DIDO1: variants seen among roughly 807,000 people sequenced by gnomAD.
The protein encoded by DIDO1 is death-inducer obliterator 1.
In DIDO1, 16 loss-of-function variants were observed where a neutral mutation model predicts 99.4. The observed-to-expected ratio is 0.16, with a 90% CI of 0.11 to 0.24. DIDO1 has a LOEUF of 0.24. Among genes scored for constraint, DIDO1 ranks in the 10% least tolerant of loss-of-function variants. The pLI is 1.00. For missense variants in DIDO1, 2,996 were observed against 3,014.0 expected (o/e 0.99, Z 0.14); for synonymous variants, 1,366 against 1,239.1 (o/e 1.10, Z -2.15).
At chr20:62,923,097 C>T (rs114987011) in intron 1 of DIDO1, among the ~76,000 whole-genome samples, 2,216 of 152,244 alleles carry the variant, frequency 0.015, 58 homozygotes, top group African/African-American at 0.049. Context: ...GAACTCCTGG[C>T]TTCAAGGGGT....
rs750449459 is a variant in DIDO1, at chr20:62,911,519, T to G, written c.94A>C (p.Thr32Pro). Residue 32 changes from threonine to proline, a missense_variant, in exon 3 of 16, where the codon ACC becomes CCC. By Grantham distance (38) the Thr-to-Pro change is conservative. This residue lies in a region of DIDO1 where 388 missense variants were observed against 376.6 expected (regional missense o/e 1.03). Transcript: ENST00000395343. This position sits in a 1 kb window ranked among gnomAD's most constrained non-coding sequence, Gnocchi z 7.0. Reference protein sequence around the residue: ...EFRKTWGFRRTTIAKREGAGD... With the variant: ...EFRKTWGFRRPTIAKREGAGD... ...GCGCCCTCTCGCTTGGCGATAGTGG[T>G]CCTTCGAAAACCCCATGTTTTCCTG... 6.2e-7 allele frequency: 1 copy of G among 1,612,748 alleles called. No homozygotes were observed. The highest frequency in any genetic ancestry group is 8.5e-7 in the Non-Finnish European group (1 of 1,179,402).
intron 6 of DIDO1, among the ~76,000 whole-genome samples, chr20:62,901,505 A>G (rs149778766): frequency 4.6e-4 from 70 of 152,152 alleles, no homozygotes; most frequent in African/African-American, 1.6e-3. Flanking sequence ...ACCTTTATCT[A>G]AGTTGTTTAC....
chr20:62,927,218 C>T (rs1317200891), upstream of DIDO1, among the ~76,000 whole-genome samples: 1 of 152,202 alleles, frequency 6.6e-6, no homozygotes, highest in East Asian at 1.9e-4. Context: ...CTCCTCCCAC[C>T]ATGTCAATCC....
intron 1 of DIDO1, among the ~76,000 whole-genome samples, chr20:62,931,939 A>G (rs2065335970): frequency 6.6e-6 from 1 of 152,254 alleles, no homozygotes; most frequent in Admixed American, 6.5e-5. Flanking sequence ...AGTTCACAAA[A>G]ACAAAATGGT....
chr20:62,879,431 C>A lies in DIDO1; in HGVS notation c.6525G>T (p.Arg2175=). The change falls in exon 16 of 16, where the codon CGG becomes CGT. Residue 2175 remains arginine (R), a synonymous_variant. Coordinates refer to ENST00000395343, the MANE Select transcript of DIDO1 (RefSeq NM_001193369.2). The surrounding 1 kb of genome is among the most constrained non-coding windows in gnomAD (Gnocchi z 6.3). ...RGKEWDRSRE[R]SRNRERERDR... is the part of the protein sequence containing the mutation. ...CTCGCTCGCGCTCTCGGTTCCTGCT[C>A]CGCTCCCGGCTGCGGTCCCACTCCT... 1 of 1,547,594 alleles carries A rather than the reference C, an allele frequency of 6.5e-7. No homozygotes were observed. The highest frequency in any genetic ancestry group is 8.7e-7 in the Non-Finnish European group (1 of 1,151,546).
intron 6 of DIDO1, among the ~76,000 whole-genome samples, chr20:62,897,275 G>A (rs992620543): frequency 1.3e-5 from 2 of 152,150 alleles, no homozygotes; most frequent in African/African-American, 4.8e-5. Flanking sequence ...GTTATTAAAG[G>A]CTTGACTTGC....
At chr20:62,888,658 A>G (rs901819677) in intron 15 of DIDO1, 1 of 985,572 alleles carries the variant, frequency 1.0e-6, no homozygotes, top group Non-Finnish European at 1.2e-6. Flanking sequence ...AGCCTTACAC[A>G]CACACACGCG....
chr20:62,908,879 T>A (rs1031127264), intron 4 of DIDO1, among the ~76,000 whole-genome samples: 48 of 152,188 alleles, frequency 3.2e-4, no homozygotes, highest in African/African-American at 9.9e-4. Flanking sequence ...AGAATCAATA[T>A]ATTTAAAAAA....
At chr20:62,907,951 G>T (rs1014698804) in intron 4 of DIDO1, among the ~76,000 whole-genome samples, 5 of 152,140 alleles carry the variant, frequency 3.3e-5, no homozygotes, top group East Asian at 1.9e-4. Context: ...ATTTTTCAGT[G>T]TAAGTATGCC....
chr20:62,937,280 G>A (rs1208660292), intron 1 of DIDO1, among the ~76,000 whole-genome samples: 1 of 152,254 alleles, frequency 6.6e-6, no homozygotes, highest in Non-Finnish European at 1.5e-5. Context: ...ACCCTGCAAT[G>A]ACAGACTTCG....
At chr20:62,893,518 CT>C (rs2147398336) in intron 12 of DIDO1, 147 bp downstream of exon 12, 1 of 983,160 alleles carries the variant, frequency 1.0e-6, no homozygotes, top group Non-Finnish European at 1.4e-6. Context: ...ATAAGGCACC[CT>C]ACAACTGGGG....
chr20:62,929,790 T>C (rs1159056972), upstream of DIDO1, among the ~76,000 whole-genome samples: 1 of 149,784 alleles, frequency 6.7e-6, no homozygotes, highest in Non-Finnish European at 1.5e-5. Context: ...ATGAATTTTC[T>C]TTACTTTTAC....
rs773576524 is a variant in DIDO1 at position 62,879,995 on chromosome 20, C to T, written c.5961G>A (p.Leu1987=). 6.2e-7 allele frequency: 1 copy of T among 1,611,984 alleles called. No homozygotes were observed. The highest frequency in any genetic ancestry group is 1.7e-5 in the Admixed American group (1 of 59,976). ...RFTNQRAPAP[L]QFGGLRGSAP... ...CGGACCCCCGTAGTCCACCAAACTG[C>T]AGGGGTGCAGGCGCCCTTTGGTTTG... The change falls in exon 16 of 16, where the codon CTG becomes CTA. Residue 1987 remains leucine, a synonymous_variant. Transcript: ENST00000395343. This position sits in a 1 kb window ranked among gnomAD's most constrained non-coding sequence, Gnocchi z 6.3.
At chr20:62,920,522 C>T (rs1243986810) in intron 1 of DIDO1, among the ~76,000 whole-genome samples, 1 of 152,218 alleles carries the variant, frequency 6.6e-6, no homozygotes, top group Non-Finnish European at 1.5e-5. Context: ...CATGGTTGAG[C>T]CACTAAAAAT....
intron 1 of DIDO1, among the ~76,000 whole-genome samples, chr20:62,915,325 A>G (rs2065018986): frequency 6.6e-6 from 1 of 152,204 alleles, no homozygotes; most frequent in South Asian, 2.1e-4. Flanking sequence ...AAAATAAGAC[A>G]GGCATTCCCT....
intron 1 of DIDO1, among the ~76,000 whole-genome samples, chr20:62,922,145 C>CAA (rs1261675095): frequency 6.7e-6 from 1 of 148,852 alleles, no homozygotes; most frequent in Non-Finnish European, 1.5e-5. Context: ...TATATACACA[C>CAA]ACACACACAC....
At chr20:62,889,468 C>T (rs987948105) in intron 15 of DIDO1, 20 of 985,340 alleles carry the variant, frequency 2.0e-5, no homozygotes, top group Non-Finnish European at 2.2e-5. Flanking sequence ...AGGGGAGGCT[C>T]GCTATCTAAG....
At position 62,914,269 on chromosome 20, in the gene DIDO1, C is replaced by A. The variant is rs2064999492; in HGVS notation, c.-62G>T. On this transcript the variant is annotated 5_prime_UTR_variant, in exon 2 of 16. Coordinates refer to ENST00000395343, the MANE Select transcript of DIDO1 (RefSeq NM_001193369.2). ...TGAAATCCTAAATACAACCAAAAAC[C>A]CTGGCAGACGAAACCTCTGGGTCCA... 2.6e-5 allele frequency: 4 copies of A among 152,226 alleles called. No individual in the cohort carries two copies. In the South Asian group the frequency reaches 8.3e-4, roughly 32 times the overall value. 9.4% of individuals were successfully genotyped at this position (152,226 alleles called of 1,614,324 possible). A position where few individuals can be genotyped will look rare whatever the true frequency, so the allele number is the denominator to read the frequency against.
chr20:62,892,551 G>A (rs951460305), intron 13 of DIDO1, among the ~76,000 whole-genome samples: 4 of 152,188 alleles, frequency 2.6e-5, no homozygotes, highest in African/African-American at 7.2e-5. Flanking sequence ...GTGCCCCAGC[G>A]AAACCGATCA....
Sources: allele counts gnomAD v4.1 joint callset (sites outside exome capture counted in the v4.1 genomes callset), GRCh38; gene constraint gnomAD v4.1.1; regional missense constraint gnomAD v4.1.1; non-coding constraint Gnocchi (gnomAD v3.1); transcripts MANE v1.5; gene names NCBI Gene and HGNC (gene_info 2026-07-23, HGNC 2026-07-21).